Variants in ABCB1 observed in about 807,000 individuals in gnomAD.
The protein encoded by ABCB1 is ATP-dependent translocase ABCB1.
Under a neutral mutation model 142.0 loss-of-function variants are expected in ABCB1, and 69 were observed. The ratio of observed to expected loss-of-function variants is 0.49; its 90% CI spans 0.40 to 0.59. The LOEUF (loss-of-function observed/expected upper bound fraction) is 0.59. Among genes scored for constraint, ABCB1 ranks in the 20% least tolerant of loss-of-function variants. The pLI is 0.00. For synonymous variants in ABCB1, 532 were observed against 539.2 expected, an observed-to-expected ratio of 0.99 and a Z score of 0.18; for missense variants, 1,326 against 1,554.7, an observed-to-expected ratio of 0.85 and a Z score of 2.47.
chr7:87,686,123 CT>C (rs1827430833), intron 1 of ABCB1, among the ~76,000 whole-genome samples: 2 of 152,104 alleles, frequency 1.3e-5, no homozygotes, highest in South Asian at 4.1e-4. Flanking sequence ...TGTATACTTT[CT>C]GCTTTTTTTG....
In ABCB1 at chr7:87,515,376, G is replaced by A. The variant is rs1439277801; in HGVS notation, c.3137C>T (p.Thr1046Ile). Residue 1046 changes from threonine to isoleucine, a missense_variant, in exon 25 of 28, where the codon ACC becomes ATC. Coordinates refer to ENST00000622132, the MANE Select transcript of ABCB1 (RefSeq NM_001348946.2). ...TFGEVVFNYP[T>I]RPDIPVLQGL... Reference sequence around the variant, plus strand: ...CTGAAGCACTGGGATGTCCGGTCGGGTGGGATAGTTGAATACAACTTCACC... The same window carrying A: ...CTGAAGCACTGGGATGTCCGGTCGGATGGGATAGTTGAATACAACTTCACC... 4 of 1,614,028 alleles carry A rather than the reference G, an allele frequency of 2.5e-6. No homozygotes were observed. In the African/African-American group the frequency reaches 4.0e-5, roughly 16 times the overall value.
intron 17 of ABCB1, among the ~76,000 whole-genome samples, chr7:87,543,041 C>A (rs1378754952): frequency 6.6e-6 from 1 of 152,122 alleles, no homozygotes; most frequent in Admixed American, 6.5e-5. Context: ...ATTCTAGAGG[C>A]CAGGCATGGC....
chr7:87,512,285 C>G (rs1406505564), intron 25 of ABCB1, among the ~76,000 whole-genome samples: 1 of 151,960 alleles, frequency 6.6e-6, no homozygotes, highest in Non-Finnish European at 1.5e-5. Flanking sequence ...AATTTCATAG[C>G]TTAATTATTC....
intron 8 of ABCB1, among the ~76,000 whole-genome samples, chr7:87,556,330 A>T (rs1817308483): frequency 6.6e-6 from 1 of 152,234 alleles, no homozygotes; most frequent in African/African-American, 2.4e-5. Context: ...CAAGGCACAT[A>T]AAAGAGAGAA....
At chr7:87,658,714 T>G (rs1824384193) in intron 1 of ABCB1, among the ~76,000 whole-genome samples, 1 of 152,066 alleles carries the variant, frequency 6.6e-6, no homozygotes, top group Non-Finnish European at 1.5e-5. Flanking sequence ...CAGGAGGAAG[T>G]GGTAAAACAT....
chr7:87,550,006 G>A lies in ABCB1; in HGVS notation c.1399C>T (p.Arg467Trp), dbSNP rs1387356833. 8.1e-6 allele frequency: 13 copies of A among 1,614,014 alleles called. No individual in the cohort carries two copies. Among genetic ancestry groups the A allele is most frequent in the East Asian group, 2.2e-5 (1 of 44,898 alleles). The change falls in exon 13 of 28, where the codon CGG (arginine) becomes TGG (tryptophan). Residue 467 changes from arginine to tryptophan, a missense_variant. Transcript: ENST00000622132. ...TGACTCACCACACCAATGATTTCCCGTAGAAACCTTACATTTATGGTCCTA... is the reference window on the plus strand; with the variant it reads ...TGACTCACCACACCAATGATTTCCCATAGAAACCTTACATTTATGGTCCTA... The part of the protein sequence containing the change: ...DIRTINVRFL[R>W]EIIGVVSQEP...
intron 1 of ABCB1, among the ~76,000 whole-genome samples, chr7:87,667,552 C>T (rs974883697): frequency 6.6e-6 from 1 of 151,808 alleles, no homozygotes; most frequent in African/African-American, 2.4e-5. Context: ...TGAGAGAGGG[C>T]ATCCTTCTCA....
intron 23 of ABCB1, among the ~76,000 whole-genome samples, chr7:87,518,254 A>G (rs1442996141): frequency 5.3e-5 from 8 of 152,196 alleles, no homozygotes; most frequent in African/African-American, 1.9e-4. Context: ...ATTTAAACCT[A>G]TGGGACCTTT....
intron 1 of ABCB1, among the ~76,000 whole-genome samples, chr7:87,631,364 T>C (rs1434492049): frequency 6.6e-6 from 1 of 152,210 alleles, no homozygotes; most frequent in South Asian, 2.1e-4. Flanking sequence ...ATTTCACTCA[T>C]GTCTCTTATG....
At chr7:87,626,019 T>TAG (rs1462076883) in intron 1 of ABCB1, among the ~76,000 whole-genome samples, 59 of 137,504 alleles carry the variant, frequency 4.3e-4, no homozygotes, top group African/African-American at 6.8e-4. Flanking sequence ...CATATATATA[T>TAG]ATATAGAGAG....
At chr7:87,701,971 G>A (rs971626037) in intron 1 of ABCB1, among the ~76,000 whole-genome samples, 17 of 151,494 alleles carry the variant, frequency 1.1e-4, no homozygotes, top group Admixed American at 5.3e-4. Context: ...GTGAAACCCC[G>A]TCTCTACTGA....
intron 1 of ABCB1, among the ~76,000 whole-genome samples, chr7:87,621,629 C>T (rs1820225200): frequency 6.6e-6 from 1 of 151,892 alleles, no homozygotes; most frequent in South Asian, 2.1e-4. Flanking sequence ...AATTTGATTG[C>T]ATAAAAATTC....
chr7:87,538,605 A>G (rs1164700668), intron 19 of ABCB1, among the ~76,000 whole-genome samples: 1 of 152,202 alleles, frequency 6.6e-6, no homozygotes, highest in Non-Finnish European at 1.5e-5. Flanking sequence ...ATTAGGTCAC[A>G]TACAAAATTT....
chr7:87,696,784 A>G (rs907608865), intron 1 of ABCB1, among the ~76,000 whole-genome samples: 1 of 152,120 alleles, frequency 6.6e-6, no homozygotes, highest in African/African-American at 2.4e-5. Flanking sequence ...AGTCATGATG[A>G]TATGCCGTCC....
intron 9 of ABCB1, among the ~76,000 whole-genome samples, chr7:87,551,970 C>A (rs1345858690): frequency 6.6e-6 from 1 of 152,120 alleles, no homozygotes; most frequent in Non-Finnish European, 1.5e-5. Context: ...CTCTTAGAAT[C>A]TTTGGCTTCA....
chr7:87,659,579 C>G (rs1824484052), intron 1 of ABCB1, among the ~76,000 whole-genome samples: 1 of 152,016 alleles, frequency 6.6e-6, no homozygotes, highest in East Asian at 1.9e-4. Flanking sequence ...TCTCCACCAC[C>G]AAAGATAATT....
intron 14 of ABCB1, 51 bp downstream of exon 14, chr7:87,549,297 G>A (rs1451237498): frequency 1.2e-6 from 2 of 1,609,472 alleles, no homozygotes; most frequent in East Asian, 4.5e-5. Flanking sequence ...ATTAGTAGTA[G>A]AATGTTCTTA....
At chr7:87,662,717 G>A (rs1313999634) in intron 1 of ABCB1, among the ~76,000 whole-genome samples, 2 of 152,028 alleles carry the variant, frequency 1.3e-5, no homozygotes, top group African/African-American at 4.8e-5. Context: ...TTTTGCTCAG[G>A]ATAGCTTTGT....
intron 1 of ABCB1, among the ~76,000 whole-genome samples, chr7:87,625,948 A>C (rs1820408253): frequency 6.7e-6 from 1 of 150,362 alleles, no homozygotes; most frequent in South Asian, 2.1e-4. Context: ...CTGACACTAT[A>C]TACGTATGGC....
Sources: allele counts gnomAD v4.1 joint callset (sites outside exome capture counted in the v4.1 genomes callset), GRCh38; gene constraint gnomAD v4.1.1; transcripts MANE v1.5; gene names NCBI Gene and HGNC (gene_info 2026-07-23, HGNC 2026-07-21).